The following LDLRAD4 variants were observed in gnomAD, a reference collection of about 807,000 sequenced individuals.
LDLRAD4 encodes low-density lipoprotein receptor class A domain-containing protein 4.
LDLRAD4 carries 5 observed loss-of-function variants against 17.0 expected under a neutral mutation model. That is an observed-to-expected ratio of 0.29 (90% CI 0.15 to 0.62). LDLRAD4 has a LOEUF of 0.62. LDLRAD4 is among the 20% of genes least tolerant of loss of function. The pLI, the probability that LDLRAD4 is intolerant of heterozygous loss-of-function variation, is 0.84. For synonymous variants in LDLRAD4, 168 were observed against 171.8 expected (o/e 0.98, Z 0.17); for missense variants, 340 against 424.7 (o/e 0.80, Z 1.75).
In LDLRAD4 at chr18:13,416,480, C is replaced by T. The variant is rs373354255; in HGVS notation, c.41-21764C>T. ...TCTCTCTGGGCATGTGAGCAGGGCT[C>T]GGGATCACGTCTCTGCTATAGAGAC... On this transcript the variant is annotated intron_variant, in intron 2 of 5. Coordinates refer to ENST00000359446, the Ensembl canonical transcript of LDLRAD4. Among the ~76,000 whole-genome samples the T allele has an allele frequency of 1.1e-4, 16 of 152,278 alleles. No homozygotes were observed. The East Asian group carries it at 1.9e-3, about 18-fold the overall frequency.
rs564969754 is a variant in LDLRAD4 at position 13,507,253 on chromosome 18, T to C, written c.181+68869T>C. ...TTCTTTAGTGGTGATTTCTGAAATT[T>C]GGGTGCACCCATCACCCGAGCAGTG... On this transcript the variant is annotated intron_variant, in intron 3 of 5. Transcript: ENST00000359446. Among the ~76,000 whole-genome samples the C allele has an allele frequency of 2.0e-5, 3 of 152,320 alleles. No individual in the cohort carries two copies. The East Asian group carries it at 5.8e-4, about 29-fold the overall frequency.
chr18:13,365,399 C>G (rs1488236278), intron 1 of LDLRAD4, among the ~76,000 whole-genome samples: 2 of 152,202 alleles, frequency 1.3e-5, no homozygotes, highest in Non-Finnish European at 2.9e-5. Context: ...GAGTCTAGCA[C>G]AAAGTCAGGC....
At chr18:13,579,590 G>C (rs2094827259) in intron 3 of LDLRAD4, among the ~76,000 whole-genome samples, 1 of 152,244 alleles carries the variant, frequency 6.6e-6, no homozygotes, top group Non-Finnish European at 1.5e-5. Flanking sequence ...GGCCAATGTA[G>C]TTAAAGTCTT....
chr18:13,637,557 A>T (rs1314206919), intron 4 of LDLRAD4, among the ~76,000 whole-genome samples: 2 of 152,194 alleles, frequency 1.3e-5, no homozygotes, highest in African/African-American at 4.8e-5. Flanking sequence ...CTTTAAAGGA[A>T]TATCTTAAAA....
At chr18:13,512,787 G>C (rs2093802572) in intron 3 of LDLRAD4, among the ~76,000 whole-genome samples, 1 of 152,188 alleles carries the variant, frequency 6.6e-6, no homozygotes, top group East Asian at 1.9e-4. Context: ...TTCCGATACT[G>C]TCCTGGGTAT....
chr18:13,404,969 G>T (rs932510808), intron 2 of LDLRAD4, among the ~76,000 whole-genome samples: 21 of 152,010 alleles, frequency 1.4e-4, no homozygotes, highest in Admixed American at 1.4e-3. Context: ...CAGTGTGAGC[G>T]AAACCCAATG....
At chr18:13,288,849 G>A (rs903678686) in intron 1 of LDLRAD4, among the ~76,000 whole-genome samples, 1 of 152,124 alleles carries the variant, frequency 6.6e-6, no homozygotes, top group Non-Finnish European at 1.5e-5. Flanking sequence ...GCAATTGACC[G>A]CACCTTCTGC....
At chr18:13,626,099 T>A (rs1210261755) in intron 4 of LDLRAD4, among the ~76,000 whole-genome samples, 1 of 151,856 alleles carries the variant, frequency 6.6e-6, no homozygotes, top group African/African-American at 2.4e-5. Flanking sequence ...GCAACTCAGG[T>A]GTGAATTACA....
intron 1 of LDLRAD4, among the ~76,000 whole-genome samples, chr18:13,353,535 T>C (rs2083166810): frequency 6.6e-6 from 1 of 152,238 alleles, no homozygotes; most frequent in South Asian, 2.1e-4. Flanking sequence ...TCTGTTTTCT[T>C]AGAGTAGCTG....
chr18:13,397,316 T>C (rs1038798248), intron 2 of LDLRAD4, among the ~76,000 whole-genome samples: 4 of 152,176 alleles, frequency 2.6e-5, no homozygotes, highest in Non-Finnish European at 5.9e-5. Context: ...CCTAATTTTT[T>C]GTATTTTTAG....
intron 3 of LDLRAD4, among the ~76,000 whole-genome samples, chr18:13,450,708 C>T (rs12604177): frequency 0.43 from 65,768 of 151,966 alleles, 15,127 homozygotes; most frequent in Admixed American, 0.5. Flanking sequence ...AGTTGTGGCA[C>T]GTATCTGCAG....
chr18:13,503,823 CAAAA>C (rs1204915464), intron 3 of LDLRAD4, among the ~76,000 whole-genome samples: 5 of 151,202 alleles, frequency 3.3e-5, no homozygotes, highest in African/African-American at 1.2e-4. Flanking sequence ...AAAAATGACT[CAAAA>C]GAAATAATTA....
intron 1 of LDLRAD4, among the ~76,000 whole-genome samples, chr18:13,220,266 G>C (rs2145301372): frequency 6.6e-6 from 1 of 152,332 alleles, no homozygotes; most frequent in East Asian, 1.9e-4. Context: ...TGCTGTAATG[G>C]AATTGTAGCT....
intron 3 of LDLRAD4, among the ~76,000 whole-genome samples, chr18:13,476,561 C>T (rs182458229): frequency 2.0e-5 from 3 of 150,278 alleles, no homozygotes; most frequent in Admixed American, 6.7e-5. Context: ...GAGATCTAGG[C>T]GGCAGTGAGC....
intron 1 of LDLRAD4, among the ~76,000 whole-genome samples, chr18:13,346,959 G>A (rs186066392): frequency 2.0e-5 from 3 of 152,294 alleles, no homozygotes; most frequent in Admixed American, 2.0e-4. Context: ...TTGAGCCTAT[G>A]TGTGTCTCTA....
At chr18:13,485,845 C>T (rs912555818) in intron 3 of LDLRAD4, among the ~76,000 whole-genome samples, 1 of 152,188 alleles carries the variant, frequency 6.6e-6, no homozygotes, top group Non-Finnish European at 1.5e-5. Flanking sequence ...CGCCACCACA[C>T]TCCAGCCTGG....
chr18:13,353,291 G>A (rs1260588349), intron 1 of LDLRAD4, among the ~76,000 whole-genome samples: 5 of 152,180 alleles, frequency 3.3e-5, no homozygotes, highest in Non-Finnish European at 7.3e-5. Context: ...GATCAGCTGA[G>A]CTTTATTAAC....
rs947675182 is a variant in LDLRAD4, at chr18:13,462,726, C to T, written c.181+24342C>T. Among the ~76,000 whole-genome samples, 3 of 152,298 alleles carry T rather than the reference C, an allele frequency of 2.0e-5. No individual in the cohort carries two copies. In the South Asian group the frequency reaches 6.2e-4, roughly 32 times the overall value. ...TCCAGGAGGCCAGTGTGGGCTCAGT[C>T]ATGGTGGCTGTCACGGGCGGAGCAG... On this transcript the variant is annotated intron_variant, in intron 3 of 5. Coordinates refer to ENST00000359446, the Ensembl canonical transcript of LDLRAD4.
At chr18:13,641,583 G>A (rs1415916660) in intron 4 of LDLRAD4, among the ~76,000 whole-genome samples, 2 of 152,260 alleles carry the variant, frequency 1.3e-5, no homozygotes, top group African/African-American at 4.8e-5. Flanking sequence ...ACAGGAGGGA[G>A]GCCGGGGCCT....
Sources: allele counts gnomAD v4.1 joint callset (sites outside exome capture counted in the v4.1 genomes callset), GRCh38; gene constraint gnomAD v4.1.1; transcripts MANE v1.5; gene names NCBI Gene and HGNC (gene_info 2026-07-23, HGNC 2026-07-21).